The following PPIP5K1 variants were observed in gnomAD, a reference collection of about 807,000 sequenced individuals.
PPIP5K1 encodes the protein inositol hexakisphosphate and diphosphoinositol-pentakisphosphate kinase 1.
PPIP5K1 carries 6 observed loss-of-function variants against 27.7 expected under a neutral mutation model. That is an observed-to-expected ratio of 0.22 (90% CI 0.12 to 0.43). The LOEUF (loss-of-function observed/expected upper bound fraction) is 0.43. Among genes scored for constraint, PPIP5K1 ranks in the 20% least tolerant of loss-of-function variants. The pLI is 1.00. For missense variants in PPIP5K1, 394 were observed against 635.4 expected (o/e 0.62, Z 4.08); for synonymous variants, 145 against 242.6 (o/e 0.60, Z 3.74).
intron 30 of PPIP5K1, among the ~76,000 whole-genome samples, chr15:43,545,811 C>A (rs1057308204): frequency 3.3e-5 from 5 of 152,016 alleles, no homozygotes; most frequent in Non-Finnish European, 7.4e-5. Flanking sequence ...TAAAAGTTAG[C>A]CATCTTAAAT....
intron 30 of PPIP5K1, among the ~76,000 whole-genome samples, chr15:43,555,829 C>A (rs1285124721): frequency 6.6e-6 from 1 of 151,984 alleles, no homozygotes; most frequent in Non-Finnish European, 1.5e-5. Flanking sequence ...TGGTCTCGAA[C>A]TTCTAAGCTT....
At position 43,558,943 on chromosome 15, in the gene PPIP5K1, A is replaced by G; in HGVS notation, c.3419-11T>C. 1 of 1,612,678 alleles carries G rather than the reference A, an allele frequency of 6.2e-7. No homozygotes were observed. The highest frequency in any genetic ancestry group is 8.5e-7 in the Non-Finnish European group (1 of 1,179,900). On this transcript the variant is annotated splice_polypyrimidine_tract_variant and intron_variant, in intron 29 of 31. Transcript: ENST00000420765. ...AACACCCTTCAAACCCTGTTTGAAAAGAGATGGGCAAAGTCAATGTTACTC... is the reference window on the plus strand; with the variant it reads ...AACACCCTTCAAACCCTGTTTGAAAGGAGATGGGCAAAGTCAATGTTACTC...
chr15:43,535,549 AT>A, intron 31 of PPIP5K1, 73 bp from the exon 32 acceptor site: 1 of 1,249,964 alleles, frequency 8.0e-7, no homozygotes. Flanking sequence ...GATAGTTCAA[AT>A]GCTAGAATTG....
In PPIP5K1 at chr15:43,534,787, T is replaced by A. The variant is rs141076311; in HGVS notation, c.4360A>T (p.Thr1454Ser). Residue 1454 changes from threonine to serine, a missense_variant, in exon 32 of 32, where the codon ACT becomes TCT. Transcript: ENST00000420765. ...SVEVGRLAQE[T>S]SAINLLSQGI... The stretch of plus-strand genomic sequence containing the variant: ...TGAGATAACAGATTGATCGCAGAAG[T>A]CTCCTGGGCCAGCCTGCCAACCTCC... The A allele has an allele frequency of 3.1e-6, 5 of 1,588,094 alleles. No individual in the cohort carries two copies. In the African/African-American group the frequency reaches 5.4e-5, roughly 17 times the overall value.
chr15:43,542,165 A>G (rs1385332454), intron 30 of PPIP5K1, among the ~76,000 whole-genome samples: 2 of 152,240 alleles, frequency 1.3e-5, no homozygotes, highest in African/African-American at 4.8e-5. Context: ...CTATTTGATT[A>G]TACTGAACTA....
intron 30 of PPIP5K1, among the ~76,000 whole-genome samples, chr15:43,546,048 C>T (rs561435438): frequency 2.5e-4 from 38 of 151,380 alleles, no homozygotes; most frequent in African/African-American, 8.5e-4. Flanking sequence ...CCATTCCATC[C>T]TACTCCCAAA....
chr15:43,557,579 TAGA>T (rs2083150416), intron 30 of PPIP5K1, among the ~76,000 whole-genome samples: 1 of 152,226 alleles, frequency 6.6e-6, no homozygotes, highest in Non-Finnish European at 1.5e-5. Context: ...TGAGATTTTA[TAGA>T]ATGATTTAAA....
At chr15:43,538,947 A>G (rs1306101797) in intron 31 of PPIP5K1, among the ~76,000 whole-genome samples, 1 of 152,140 alleles carries the variant, frequency 6.6e-6, no homozygotes, top group East Asian at 1.9e-4. Flanking sequence ...TTGAGGAAGA[A>G]CTTCTCTCCA....
chr15:43,540,854 T>C (rs1457499710), intron 30 of PPIP5K1, among the ~76,000 whole-genome samples: 1 of 114,518 alleles, frequency 8.7e-6, no homozygotes, highest in Non-Finnish European at 1.6e-5. Context: ...AGAGAGAGAC[T>C]CTGTCTCAAA....
At chr15:43,558,176 C>T (rs1422125797) in intron 30 of PPIP5K1, among the ~76,000 whole-genome samples, 1 of 151,252 alleles carries the variant, frequency 6.6e-6, no homozygotes, top group Non-Finnish European at 1.5e-5. Flanking sequence ...GTTCTCCTAG[C>T]CTCCCAAGCA....
intron 30 of PPIP5K1, among the ~76,000 whole-genome samples, chr15:43,549,056 A>AATATATATATATATAT (rs762219321): frequency 8.9e-4 from 48 of 54,224 alleles, no homozygotes; most frequent in African/African-American, 6.1e-3. Context: ...AAAAAAAAAA[A>AATATATATATATATAT]ATATATATAT....
chr15:43,540,758 G>C (rs1223986808), intron 30 of PPIP5K1, among the ~76,000 whole-genome samples: 2 of 151,044 alleles, frequency 1.3e-5, no homozygotes, highest in East Asian at 3.9e-4. Context: ...TATTTGGGAG[G>C]CTGAGGCATG....
intron 29 of PPIP5K1, 90 bp downstream of exon 29, chr15:43,560,323 T>C (rs944029992): frequency 1.5e-5 from 16 of 1,050,184 alleles, no homozygotes; most frequent in Non-Finnish European, 1.9e-5. Context: ...GAGAAAGAAA[T>C]AGGTGGGCTC....
chr15:43,549,722 G>T (rs1424002563), intron 30 of PPIP5K1, among the ~76,000 whole-genome samples: 3 of 152,142 alleles, frequency 2.0e-5, no homozygotes, highest in Admixed American at 6.5e-5. Flanking sequence ...TATAACCCCA[G>T]CACTTTGGGA....
intron 26 of PPIP5K1, among the ~76,000 whole-genome samples, chr15:43,567,191 AC>A (rs2084201425): frequency 1.3e-5 from 1 of 76,402 alleles, no homozygotes; most frequent in South Asian, 4.3e-4. Context: ...GTCTCAGCTC[AC>A]TGCAACCTCC....
intron 30 of PPIP5K1, among the ~76,000 whole-genome samples, chr15:43,553,924 T>G (rs1017087575): frequency 6.6e-6 from 1 of 152,142 alleles, no homozygotes; most frequent in African/African-American, 2.4e-5. Flanking sequence ...GGATTACAGG[T>G]GTGAGCCACC....
chr15:43,545,979 T>C lies in PPIP5K1; in HGVS notation c.3557-6396A>G, dbSNP rs142648810. 2.9e-3 allele frequency among the ~76,000 whole-genome samples: 435 copies of C among 152,138 alleles called. 1 individual carries two copies. The highest frequency in any genetic ancestry group is 0.01 in the African/African-American group (424 of 41,494). On this transcript the variant is annotated intron_variant, in intron 30 of 31. Coordinates refer to ENST00000420765, the MANE Select transcript of PPIP5K1 (RefSeq NM_001394395.1). Reference sequence around the variant, plus strand: ...TGGAGCAGCCATTCTTTTATTCCTTTACTTTCTTAATAAACTTGCTTTCAC... The same window carrying C: ...TGGAGCAGCCATTCTTTTATTCCTTCACTTTCTTAATAAACTTGCTTTCAC...
intron 30 of PPIP5K1, 80 bp from the exon 31 acceptor site, chr15:43,539,663 A>G (rs943079333): frequency 1.1e-5 from 10 of 907,296 alleles, no homozygotes; most frequent in African/African-American, 8.4e-5. Flanking sequence ...CGTTCTCAAC[A>G]TAAGTCAAAG....
At chr15:43,558,764 G>C in intron 30 of PPIP5K1, 31 bp downstream of exon 30, 1 of 1,611,550 alleles carries the variant, frequency 6.2e-7, no homozygotes, top group Non-Finnish European at 8.5e-7. Context: ...TGGGGGCAGA[G>C]AGAAGGGTAA....
Sources: gnomAD v4.1 joint callset for allele counts (sites outside exome capture counted in the v4.1 genomes callset) on GRCh38, gnomAD v4.1.1 for gene constraint, MANE v1.5 for transcripts, NCBI Gene and HGNC (gene_info 2026-07-23, HGNC 2026-07-21) for gene names.